The following IGF2R variants were observed in gnomAD, a reference collection of about 807,000 sequenced individuals.
IGF2R encodes the protein insulin like growth factor 2 receptor, also known as cation-independent mannose-6-phosphate receptor.
IGF2R carries 91 observed loss-of-function variants against 270.6 expected under a neutral mutation model. That is an observed-to-expected ratio of 0.34 (90% CI 0.28 to 0.40). The LOEUF is 0.40. Among genes scored for constraint, IGF2R ranks in the 10% least tolerant of loss-of-function variants. IGF2R has a pLI of 1.00. For synonymous variants in IGF2R, 1,316 were observed against 1,258.9 expected, an observed-to-expected ratio of 1.05 and a Z score of -0.96; for missense variants, 2,805 against 3,188.3, an observed-to-expected ratio of 0.88 and a Z score of 2.90.
chr6:160,070,184 T>C, intron 31 of IGF2R, 126 bp downstream of exon 31: 3 of 894,496 alleles, frequency 3.4e-6, no homozygotes, highest in Non-Finnish European at 3.5e-6. Flanking sequence ...TGATGCGCCC[T>C]TACCAGAGGT....
At position 159,976,086 on chromosome 6, in the gene IGF2R, G is replaced by C. The variant is rs533001882; in HGVS notation, c.149+6691G>C. ...AGATGGACATTTTCTGTTTCTTAAA[G>C]TTTGGTAGAATTCACCAGTAAAACT... On this transcript the variant is annotated intron_variant, in intron 1 of 47. Transcript: ENST00000356956. Among the ~76,000 whole-genome samples, 52 of 152,132 alleles carry C rather than the reference G, an allele frequency of 3.4e-4. No individual in the cohort carries two copies. The South Asian group carries it at 1.0e-2, about 29-fold the overall frequency.
In IGF2R at chr6:160,079,704, G is replaced by A. The variant is rs767247253; in HGVS notation, c.5603G>A (p.Arg1868Gln). 5 of 1,514,368 alleles carry A rather than the reference G, an allele frequency of 3.3e-6. No homozygotes were observed. Among genetic ancestry groups the A allele is most frequent in the South Asian group, 2.7e-5 (2 of 75,052 alleles). The allele number at this position is 1,514,368 out of a possible 1,614,324, so 93.8% of individuals were successfully genotyped here. Residue 1868 changes from arginine (R) to glutamine (Q), a missense_variant, in exon 38 of 48, where the codon CGG becomes CAG. Coordinates refer to ENST00000356956, the MANE Select transcript of IGF2R (RefSeq NM_000876.4). ...GGCACCAAGGGGGCATCCTTTGGAC[G>A]GCTGCAATCAATGAAACTGGATTAC... ...LSGTKGASFG[R>Q]LQSMKLDYRH...
chr6:160,069,251 A>G (rs1273104262), intron 30 of IGF2R, among the ~76,000 whole-genome samples: 2 of 152,086 alleles, frequency 1.3e-5, no homozygotes, highest in East Asian at 1.9e-4. Context: ...AACTCATCCC[A>G]TGTTCGTGGA....
chr6:160,070,069 G>A lies in IGF2R; in HGVS notation c.4443+11G>A. The A allele has an allele frequency of 1.9e-6, 3 of 1,612,876 alleles. No homozygotes were observed. Among genetic ancestry groups the A allele is most frequent in the Non-Finnish European group, 2.5e-6 (3 of 1,178,962 alleles). ...AGCGAGAGCCAAGTGGTAAGGGACT[G>A]TTCCTGCACCTTCTGCTGTTGCAGC... On this transcript the variant is annotated intron_variant, in intron 31 of 47. Coordinates refer to ENST00000356956, the MANE Select transcript of IGF2R (RefSeq NM_000876.4).
In IGF2R at chr6:160,108,898, G is replaced by T. The variant is rs561027710; in HGVS notation, c.*3814G>T. 1 of 152,136 alleles carries T rather than the reference G, an allele frequency of 6.6e-6. No individual in the cohort carries two copies. The highest frequency in any genetic ancestry group is 6.6e-5 in the Admixed American group (1 of 15,264). The allele number at this position is 152,136 out of a possible 1,614,324, so 9.4% of individuals were successfully genotyped here. ...GGGTTTCACCGTGTTGGCCAGGATGGTCTCGATCTCCTGACCTCATGATCC... is the reference window on the plus strand; with the variant it reads ...GGGTTTCACCGTGTTGGCCAGGATGTTCTCGATCTCCTGACCTCATGATCC... On this transcript the variant is annotated 3_prime_UTR_variant, in exon 48 of 48. Coordinates refer to ENST00000356956, the MANE Select transcript of IGF2R (RefSeq NM_000876.4).
rs1778741529 is a variant in IGF2R, at chr6:160,071,688, G to A, written c.4444-222G>A. On this transcript the variant is annotated intron_variant, in intron 31 of 47. Coordinates refer to ENST00000356956, the MANE Select transcript of IGF2R (RefSeq NM_000876.4). ...TGGTCCCCTAAGTGTGTTGCTGCCT[G>A]TGGGTGTTTCACTTACCTGCAGGGG... 2.0e-5 allele frequency among the ~76,000 whole-genome samples: 3 copies of A among 152,168 alleles called. No homozygotes were observed. The South Asian group carries it at 6.2e-4, about 32-fold the overall frequency.
At chr6:160,042,020 T>C (rs1777957366) in intron 11 of IGF2R, among the ~76,000 whole-genome samples, 1 of 151,976 alleles carries the variant, frequency 6.6e-6, no homozygotes, top group South Asian at 2.1e-4. Flanking sequence ...AACATTACTG[T>C]GTATAAGAGA....
At chr6:160,104,348 T>C (rs1583309978) in intron 47 of IGF2R, among the ~76,000 whole-genome samples, 1 of 152,008 alleles carries the variant, frequency 6.6e-6, no homozygotes, top group African/African-American at 2.4e-5. Context: ...CCAGCTGCGC[T>C]GGGGGATCAC....
At chr6:160,017,942 A>G (rs1777343968) in intron 4 of IGF2R, among the ~76,000 whole-genome samples, 1 of 152,208 alleles carries the variant, frequency 6.6e-6, no homozygotes, top group Non-Finnish European at 1.5e-5. Flanking sequence ...ACAATTATTC[A>G]AACAAGACCA....
intron 18 of IGF2R, among the ~76,000 whole-genome samples, chr6:160,049,428 A>C (rs565328483): frequency 6.6e-6 from 1 of 152,110 alleles, no homozygotes; most frequent in African/African-American, 2.4e-5. Context: ...ACAGGGGGAC[A>C]CTCTGGCCTC....
In IGF2R at chr6:160,033,121, C is replaced by G. The variant is rs747226994; in HGVS notation, c.1211+14C>G. On this transcript the variant is annotated intron_variant, in intron 9 of 47. Transcript: ENST00000356956. ...TCAGACCCTCCGGTACGTCAACAAC[C>G]TCTGTGCGATTTTCCTTTTTCTTTG... 2 of 1,600,560 alleles carry G rather than the reference C, an allele frequency of 1.2e-6. No individual in the cohort carries two copies.
intron 45 of IGF2R, among the ~76,000 whole-genome samples, chr6:160,100,200 A>G (rs2114741555): frequency 6.6e-6 from 1 of 152,334 alleles, no homozygotes; most frequent in Non-Finnish European, 1.5e-5. Context: ...GTCAGCTAAA[A>G]AACAAGTTGT....
intron 1 of IGF2R, among the ~76,000 whole-genome samples, chr6:159,975,994 G>T (rs1010708805): frequency 2.0e-4 from 30 of 151,660 alleles, no homozygotes; most frequent in African/African-American, 7.0e-4. Flanking sequence ...TTAATAATAT[G>T]TTTGCTTTGT....
rs17847658 is a variant in IGF2R, at chr6:160,090,023, A to T, written c.6575A>T (p.Asn2192Ile). The part of the protein sequence containing the change: ...SSRNPACSGA[N>I]ICQVKPNDQH... Reference sequence around the variant, plus strand: ...AGAAACCCGGCGTGCTCTGGAGCCAACATATGCCAGGTGAAGCCCAACGAT... The same window carrying T: ...AGAAACCCGGCGTGCTCTGGAGCCATCATATGCCAGGTGAAGCCCAACGAT... Residue 2192 changes from asparagine (N) to isoleucine (I), a missense_variant, in exon 44 of 48, where the codon AAC (asparagine) becomes ATC (isoleucine). This residue lies in a region of IGF2R where 1,851 missense variants were observed against 2,207.2 expected (regional missense o/e 0.84). Coordinates refer to ENST00000356956, the MANE Select transcript of IGF2R (RefSeq NM_000876.4). 2.8e-5 allele frequency: 45 copies of T among 1,605,296 alleles called. No homozygotes were observed. Among genetic ancestry groups the T allele is most frequent in the Non-Finnish European group, 3.5e-5 (41 of 1,175,996 alleles).
At position 160,061,912 on chromosome 6, in the gene IGF2R, A is replaced by C; in HGVS notation, c.3566A>C (p.Glu1189Ala). The C allele has an allele frequency of 6.2e-7, 1 of 1,614,070 alleles. No homozygotes were observed. The highest frequency in any genetic ancestry group is 1.1e-5 in the South Asian group (1 of 91,076). ...NQRFSTRITF[E>A]CAQISGSPAF... is the part of the protein sequence containing the mutation. ...CGCTTCTCCACCAGGATCACGTTTG[A>C]GTGTGCTCAGATATCGGTGTGTGTT... Residue 1189 changes from glutamate to alanine, a missense_variant, in exon 25 of 48, where the codon GAG becomes GCG. Glu to Ala is a moderately radical substitution (Grantham distance 107). Coordinates refer to ENST00000356956, the MANE Select transcript of IGF2R (RefSeq NM_000876.4).
At position 160,050,955 on chromosome 6, in the gene IGF2R, C is replaced by A. The variant is rs1778183578; in HGVS notation, c.2694+303C>A. Among the ~76,000 whole-genome samples the A allele has an allele frequency of 6.6e-6, 1 of 151,950 alleles. No homozygotes were observed. Among genetic ancestry groups the A allele is most frequent in the Admixed American group, 6.6e-5 (1 of 15,252 alleles). ...ACAGACATTATCTTGCCTCTTAGTT[C>A]TTGTGAGTTGAGGATCGTGGCAGTG... On this transcript the variant is annotated intron_variant, in intron 19 of 47. Coordinates refer to ENST00000356956, the MANE Select transcript of IGF2R (RefSeq NM_000876.4). This position sits in a 1 kb window ranked among gnomAD's most constrained non-coding sequence, Gnocchi z 4.0.
At chr6:160,080,902 G>A (rs2115283334) in intron 39 of IGF2R, among the ~76,000 whole-genome samples, 1 of 151,896 alleles carries the variant, frequency 6.6e-6, no homozygotes, top group African/African-American at 2.4e-5. Flanking sequence ...TGGATCACGA[G>A]GTCAGGAGAT....
intron 1 of IGF2R, among the ~76,000 whole-genome samples, chr6:159,980,499 A>G (rs1783782765): frequency 6.6e-6 from 1 of 151,244 alleles, no homozygotes; most frequent in African/African-American, 2.4e-5. Flanking sequence ...GAAGGTGGAG[A>G]GGGGCAGCCC....
rs766791489 is a variant in IGF2R at position 159,991,373 on chromosome 6, T to C, written c.289+50T>C. On this transcript the variant is annotated intron_variant, in intron 2 of 47. Coordinates refer to ENST00000356956, the MANE Select transcript of IGF2R (RefSeq NM_000876.4). The stretch of plus-strand genomic sequence containing the variant: ...TGGATTGGCAATATGATTCCCCAAT[T>C]TTGCAAAAATGACTGTGTATAGCTA... 1.0e-5 allele frequency: 16 copies of C among 1,573,500 alleles called. No individual in the cohort carries two copies. In the East Asian group the frequency reaches 3.6e-4, roughly 35 times the overall value.
Sources: gnomAD v4.1 joint callset for allele counts (sites outside exome capture counted in the v4.1 genomes callset) on GRCh38, gnomAD v4.1.1 for gene constraint, gnomAD v4.1.1 regional missense constraint, Gnocchi (gnomAD v3.1) non-coding constraint, MANE v1.5 for transcripts, NCBI Gene and HGNC (gene_info 2026-07-23, HGNC 2026-07-21) for gene names.